NBEAL1: variants seen among roughly 807,000 people sequenced by gnomAD.
The protein encoded by NBEAL1 is neurobeachin-like protein 1.
Under a neutral mutation model 351.3 loss-of-function variants are expected in NBEAL1, and 273 were observed. The observed-to-expected ratio is 0.78, with a 90% CI of 0.70 to 0.86. The LOEUF (loss-of-function observed/expected upper bound fraction) is 0.86. Ranked by LOEUF, NBEAL1 falls within the 40% of genes least tolerant of loss-of-function variation. The pLI, the probability that NBEAL1 is intolerant of heterozygous loss-of-function variation, is 0.00. For missense variants in NBEAL1, 2,961 were observed against 3,201.3 expected (o/e 0.92, Z 1.81); for synonymous variants, 1,050 against 1,086.4 (o/e 0.97, Z 0.66).
chr2:203,211,482 A>C (rs907146079), intron 54 of NBEAL1, among the ~76,000 whole-genome samples: 3 of 152,118 alleles, frequency 2.0e-5, no homozygotes, highest in Non-Finnish European at 4.4e-5. Context: ...TCTACTAAAA[A>C]TAAAAACTTT....
intron 10 of NBEAL1, among the ~76,000 whole-genome samples, chr2:203,093,616 G>T (rs2062114977): frequency 6.6e-6 from 1 of 152,166 alleles, no homozygotes; most frequent in South Asian, 2.1e-4. Context: ...CATTCTGGGA[G>T]GCCAAGGCGG....
chr2:203,061,053 A>G (rs1419202670), intron 6 of NBEAL1, among the ~76,000 whole-genome samples: 2 of 152,220 alleles, frequency 1.3e-5, no homozygotes, highest in Admixed American at 6.5e-5. Flanking sequence ...TATGAACTAA[A>G]GAAATTACTA....
At chr2:203,108,248 C>A in intron 14 of NBEAL1, 60 bp downstream of exon 14, 1 of 1,287,002 alleles carries the variant, frequency 7.8e-7, no homozygotes, top group South Asian at 1.5e-5. Context: ...TGCTGTGATT[C>A]TTAAACAGGA....
intron 51 of NBEAL1, among the ~76,000 whole-genome samples, chr2:203,206,990 C>G (rs560860685): frequency 2.6e-5 from 4 of 152,016 alleles, no homozygotes; most frequent in African/African-American, 9.6e-5. Flanking sequence ...CTCTTCCCGG[C>G]CGCCATCCCA....
At chr2:203,094,364 C>T (rs1022019110) in intron 10 of NBEAL1, among the ~76,000 whole-genome samples, 13 of 152,296 alleles carry the variant, frequency 8.5e-5, no homozygotes, top group Middle Eastern at 3.4e-3. Context: ...CATGATGCCA[C>T]AGATGTCCAC....
chr2:203,114,015 G>A (rs1412485448), intron 17 of NBEAL1, among the ~76,000 whole-genome samples: 1 of 151,986 alleles, frequency 6.6e-6, no homozygotes, highest in Non-Finnish European at 1.5e-5. Context: ...TAGAGACGAG[G>A]GTTTAACGGT....
At chr2:203,094,553 G>A (rs888074192) in intron 10 of NBEAL1, among the ~76,000 whole-genome samples, 8 of 152,062 alleles carry the variant, frequency 5.3e-5, no homozygotes, top group Non-Finnish European at 7.4e-5. Flanking sequence ...TTAAGCTGGC[G>A]GCTGCTGTTT....
At chr2:203,094,855 C>T (rs574338286) in intron 10 of NBEAL1, among the ~76,000 whole-genome samples, 1 of 152,332 alleles carries the variant, frequency 6.6e-6, no homozygotes, top group African/African-American at 2.4e-5. Flanking sequence ...GGCTCAGTGG[C>T]TCACGCCTGT....
chr2:203,183,359 G>T lies in NBEAL1; in HGVS notation c.6676G>T (p.Asp2226Tyr). Residue 2226 changes from aspartate to tyrosine, a missense_variant, in exon 44 of 56, where the codon GAT becomes TAT. Transcript: ENST00000683969. The part of the protein sequence containing the change: ...ILPKWAKSAE[D>Y]FIYKHRKALE... The stretch of plus-strand genomic sequence containing the variant: ...CCCGAAATGGGCTAAATCAGCTGAA[G>T]ATTTCATCTATAAACATAGGAAAGC... The T allele has an allele frequency of 1.3e-6, 2 of 1,593,044 alleles. No individual in the cohort carries two copies. The highest frequency in any genetic ancestry group is 8.6e-7 in the Non-Finnish European group (1 of 1,168,854).
rs774516194 is a variant in NBEAL1, at chr2:203,175,200, C to T, written c.6377C>T (p.Thr2126Ile). Residue 2126 changes from threonine (T) to isoleucine (I), a missense_variant, in exon 42 of 56, where the codon ACT becomes ATT. By Grantham distance (89) the Thr-to-Ile change is moderately conservative. Transcript: ENST00000683969. ...MGTIDKFHYG[T>I]HYSNSAGVMH... ...ACTATTGATAAGTTTCACTATGGTACTCACTATTCAAATTCTGCGGGGGTC... is the reference window on the plus strand; with the variant it reads ...ACTATTGATAAGTTTCACTATGGTATTCACTATTCAAATTCTGCGGGGGTC... 7.4e-6 allele frequency: 12 copies of T among 1,613,194 alleles called. No individual in the cohort carries two copies. The Admixed American group carries it at 1.5e-4, about 20-fold the overall frequency.
intron 4 of NBEAL1, 110 bp from the exon 5 acceptor site, chr2:203,056,317 C>G: frequency 1.5e-6 from 1 of 684,076 alleles, no homozygotes; most frequent in Non-Finnish European, 2.7e-6. Flanking sequence ...TAATAAATGT[C>G]ATTTGCATTT....
chr2:203,170,352 G>C (rs534032927), intron 39 of NBEAL1, among the ~76,000 whole-genome samples: 7 of 151,938 alleles, frequency 4.6e-5, no homozygotes, highest in Non-Finnish European at 7.4e-5. Context: ...CAGCCTGGGC[G>C]ACAGAGCAAG....
At chr2:203,133,746 CTA>C (rs1393167331) in intron 27 of NBEAL1, among the ~76,000 whole-genome samples, 2 of 150,380 alleles carry the variant, frequency 1.3e-5, no homozygotes, top group East Asian at 3.9e-4. Context: ...TAAGAGATCT[CTA>C]TATATAGAGT....
intron 4 of NBEAL1, among the ~76,000 whole-genome samples, chr2:203,056,131 T>A (rs1191742850): frequency 1.3e-5 from 2 of 152,240 alleles, no homozygotes; most frequent in Non-Finnish European, 2.9e-5. Flanking sequence ...GATATTGGTG[T>A]TTATTTTTTC....
intron 31 of NBEAL1, among the ~76,000 whole-genome samples, chr2:203,139,210 A>C (rs1213094009): frequency 6.6e-6 from 1 of 152,050 alleles, no homozygotes; most frequent in Non-Finnish European, 1.5e-5. Flanking sequence ...ACAAAGTACT[A>C]AGCATTGTGC....
Position 203,041,613 on chromosome 2 carries a change from T to A in NBEAL1, c.52-152T>A, listed in dbSNP as rs191964955. Reference sequence around the variant, plus strand: ...AAGCCATTTGAGAGTTCCATATACTTAATGTACATTTTAAAACAGCACATA... The same window carrying A: ...AAGCCATTTGAGAGTTCCATATACTAAATGTACATTTTAAAACAGCACATA... On this transcript the variant is annotated intron_variant, in intron 2 of 55. Coordinates refer to ENST00000683969, the MANE Select transcript of NBEAL1 (RefSeq NM_001378026.1). Among the ~76,000 whole-genome samples the A allele has an allele frequency of 1.9e-3, 288 of 152,356 alleles. 1 individual carries two copies. The highest frequency in any genetic ancestry group is 1.1e-3 in the Admixed American group (17 of 15,310).
chr2:203,095,747 C>G (rs1458983424), intron 10 of NBEAL1, among the ~76,000 whole-genome samples: 1 of 151,674 alleles, frequency 6.6e-6, no homozygotes, highest in East Asian at 1.9e-4. Flanking sequence ...GTAATAATAC[C>G]ACCTTTCATT....
chr2:203,152,083 A>G (rs1451601416), intron 35 of NBEAL1, among the ~76,000 whole-genome samples: 1 of 151,538 alleles, frequency 6.6e-6, no homozygotes, highest in Non-Finnish European at 1.5e-5. Flanking sequence ...TCAGCCTCCC[A>G]AGTAGCTGGG....
intron 2 of NBEAL1, among the ~76,000 whole-genome samples, chr2:203,038,934 C>A (rs1231896452): frequency 2.7e-5 from 4 of 149,078 alleles, no homozygotes; most frequent in African/African-American, 9.8e-5. Flanking sequence ...CTCACATCAG[C>A]TTCCCAAAGT....
Sources: allele counts gnomAD v4.1 joint callset (sites outside exome capture counted in the v4.1 genomes callset), GRCh38; gene constraint gnomAD v4.1.1; transcripts MANE v1.5; gene names NCBI Gene and HGNC (gene_info 2026-07-23, HGNC 2026-07-21).